Variants in IL16 observed in about 807,000 individuals in gnomAD.
IL16 encodes the protein interleukin 16, also known as pro-interleukin-16.
IL16 carries 67 observed loss-of-function variants against 110.1 expected under a neutral mutation model. The ratio of observed to expected loss-of-function variants is 0.61; its 90% CI spans 0.50 to 0.75. The LOEUF (loss-of-function observed/expected upper bound fraction) is 0.75, where lower values mean the gene tolerates loss of function less well. Ranked by LOEUF, IL16 falls within the 30% of genes least tolerant of loss-of-function variation. IL16 has a pLI of 0.00. For synonymous variants in IL16, 689 were observed against 662.9 expected (o/e 1.04, Z -0.61); for missense variants, 1,545 against 1,655.0 (o/e 0.93, Z 1.15).
At chr15:81,282,843 A>G (rs1899249150) in intron 9 of IL16, 87 bp downstream of exon 9, 1 of 1,039,604 alleles carries the variant, frequency 9.6e-7, no homozygotes, top group Admixed American at 1.7e-5. Flanking sequence ...TGATTTGGAC[A>G]TGAGCTATAA....
chr15:81,301,159 A>G (rs1900265567), intron 14 of IL16, among the ~76,000 whole-genome samples, 185 bp from the exon 15 acceptor site: 1 of 152,192 alleles, frequency 6.6e-6, no homozygotes, highest in Non-Finnish European at 1.5e-5. Context: ...TTTATTTATT[A>G]TTCTTACACT....
At chr15:81,231,320 GTCTGTC>G (rs1161195875) in intron 2 of IL16, among the ~76,000 whole-genome samples, 3 of 50,924 alleles carry the variant, frequency 5.9e-5, no homozygotes, top group African/African-American at 1.7e-4. Flanking sequence ...CCCAAGGTCG[GTCTGTC>G]TCTCTCTCTC....
chr15:81,303,406 A>C lies in IL16; in HGVS notation c.3319-143A>C. The C allele has an allele frequency of 1.6e-6, 1 of 627,910 alleles. No individual in the cohort carries two copies. The highest frequency in any genetic ancestry group is 2.7e-5 in the East Asian group (1 of 36,366). 38.9% of individuals were successfully genotyped at this position (627,910 alleles called of 1,614,324 possible). ...AAGGTCCATTCTTTACAGATGAGGA[A>C]ACTGAGGTTTGAGGAGGTGATGTAA... On this transcript the variant is annotated intron_variant, in intron 15 of 18. Coordinates refer to ENST00000683961, the MANE Select transcript of IL16 (RefSeq NM_172217.5). This position sits in a 1 kb window ranked among gnomAD's most constrained non-coding sequence, Gnocchi z 4.1.
chr15:81,283,256 G>A (rs930367390), intron 9 of IL16, among the ~76,000 whole-genome samples: 1 of 152,184 alleles, frequency 6.6e-6, no homozygotes, highest in Non-Finnish European at 1.5e-5. Context: ...AGAGAAGCTG[G>A]AGGGGATGTC....
chr15:81,293,954 T>C (rs1173379474), intron 12 of IL16, among the ~76,000 whole-genome samples: 1 of 152,162 alleles, frequency 6.6e-6, no homozygotes, highest in Admixed American at 6.5e-5. Context: ...TGCTAGTGGG[T>C]CACAGTTACC....
chr15:81,313,376 T>C lies in IL16; in HGVS notation c.*4578T>C, dbSNP rs1900970100. The C allele has an allele frequency of 1.3e-6, 2 of 1,572,084 alleles. No homozygotes were observed. Among genetic ancestry groups the C allele is most frequent in the African/African-American group, 2.7e-5 (2 of 73,270 alleles). ...AACCGCTGAGGTCGGTATGGAAGAA[T>C]GTGACCAGGTTGGTCTTGGTGGGTT... is the stretch of plus-strand genomic sequence containing the variant. On this transcript the variant is annotated 3_prime_UTR_variant, in exon 19 of 19. Transcript: ENST00000683961.
At chr15:81,257,398 G>C (rs1311858780) in intron 2 of IL16, among the ~76,000 whole-genome samples, 1 of 152,138 alleles carries the variant, frequency 6.6e-6, no homozygotes, top group Non-Finnish European at 1.5e-5. Flanking sequence ...AATTCAAAAG[G>C]AATATACAAA....
chr15:81,303,524 T>C lies in IL16; in HGVS notation c.3319-25T>C, dbSNP rs917512009. The C allele has an allele frequency of 1.4e-6, 2 of 1,463,834 alleles. No homozygotes were observed. The highest frequency in any genetic ancestry group is 1.7e-4 in the Middle Eastern group (1 of 5,768). The allele number at this position is 1,463,834 out of a possible 1,614,324, so 90.7% of individuals were successfully genotyped here. ...TTCATCCTCTTGCAGTAAAATGTTT[T>C]TGAATGTATGTATTTCCTCTGCAGC... On this transcript the variant is annotated intron_variant, in intron 15 of 18. Transcript: ENST00000683961. This position sits in a 1 kb window ranked among gnomAD's most constrained non-coding sequence, Gnocchi z 4.1.
chr15:81,238,155 G>T (rs1897235126), intron 2 of IL16, among the ~76,000 whole-genome samples: 1 of 152,160 alleles, frequency 6.6e-6, no homozygotes, highest in African/African-American at 2.4e-5. Flanking sequence ...ACCCACCTCA[G>T]CCTCCCAAAG....
rs1899241768 is a variant in IL16 at position 81,282,743 on chromosome 15, G to T, written c.1186G>T (p.Asp396Tyr). ...TLSPGSVAHLDGRLRCGDEIV... is the reference protein window; with the variant it reads ...TLSPGSVAHLYGRLRCGDEIV... ...GTCACCAGGATCCGTGGCGCACCTG[G>T]ACGGACGTCTCCGGTATGTCCTCAC... Residue 396 changes from aspartate (D) to tyrosine (Y), a missense_variant, in exon 9 of 19, where the codon GAC becomes TAC. By Grantham distance (160) the Asp-to-Tyr change is radical. This residue lies in a region of IL16 where 1,185 missense variants were observed against 1,238.8 expected (regional missense o/e 0.96). Coordinates refer to ENST00000683961, the MANE Select transcript of IL16 (RefSeq NM_172217.5). 1 of 1,612,716 alleles carries T rather than the reference G, an allele frequency of 6.2e-7. No homozygotes were observed. Among genetic ancestry groups the T allele is most frequent in the South Asian group, 1.1e-5 (1 of 91,060 alleles).
At chr15:81,297,102 A>G (rs1425166393) in intron 13 of IL16, 24 bp downstream of exon 13, 1 of 1,598,330 alleles carries the variant, frequency 6.3e-7, no homozygotes, top group African/African-American at 1.4e-5. Context: ...GAGATCTTCC[A>G]AAAGGAAGGG....
intron 2 of IL16, among the ~76,000 whole-genome samples, chr15:81,230,967 G>A (rs1896950056): frequency 6.6e-6 from 1 of 151,938 alleles, no homozygotes; most frequent in South Asian, 2.1e-4. Context: ...TGGAGGAAGG[G>A]GAGAGAAAGC....
At chr15:81,216,082 C>G (rs1896419104) in intron 1 of IL16, among the ~76,000 whole-genome samples, 1 of 152,216 alleles carries the variant, frequency 6.6e-6, no homozygotes, top group Admixed American at 6.5e-5. Context: ...GGAAGCCAGC[C>G]CTGCTCTCTC....
intron 14 of IL16, 65 bp downstream of exon 14, chr15:81,300,540 T>A (rs974643725): frequency 2.8e-6 from 3 of 1,062,122 alleles, no homozygotes; most frequent in East Asian, 2.6e-5. Flanking sequence ...TCTTTATTTT[T>A]AAAAATAATC....
At position 81,292,955 on chromosome 15, in the gene IL16, G is replaced by T. The variant is rs772619870; in HGVS notation, c.1820G>T (p.Ser607Ile). The T allele has an allele frequency of 1.2e-6, 2 of 1,614,140 alleles. No individual in the cohort carries two copies. The highest frequency in any genetic ancestry group is 2.2e-5 in the South Asian group (2 of 91,086). The change falls in exon 12 of 19, where the codon AGT becomes ATT. Residue 607 changes from serine to isoleucine, a missense_variant. Physicochemically the swap from Ser to Ile is moderately radical, Grantham distance 142. Transcript: ENST00000683961. ...CCTCCACCCAGAAAATACTTTAAAA[G>T]TGACAGTGACCCTCAGAAGAGTCTG... ...PKPPPRKYFK[S>I]DSDPQKSLEE...
At chr15:81,244,164 A>G (rs1289585302) in intron 2 of IL16, among the ~76,000 whole-genome samples, 2 of 152,148 alleles carry the variant, frequency 1.3e-5, no homozygotes, top group Non-Finnish European at 2.9e-5. Flanking sequence ...TATTTCCTTT[A>G]CATACACTTA....
At chr15:81,211,100 C>A (rs923837199) in intron 1 of IL16, among the ~76,000 whole-genome samples, 2 of 152,154 alleles carry the variant, frequency 1.3e-5, no homozygotes, top group East Asian at 3.8e-4. Flanking sequence ...CACTCTGTCA[C>A]CCAGGCTGGA....
At chr15:81,306,374 C>G in intron 17 of IL16, 46 bp from the exon 18 acceptor site, 3 of 1,606,960 alleles carry the variant, frequency 1.9e-6, no homozygotes, top group Non-Finnish European at 2.5e-6. Context: ...CATCTGTGGC[C>G]TGGGAGAGGA....
intron 1 of IL16, among the ~76,000 whole-genome samples, chr15:81,209,581 C>G (rs112669780): frequency 0.22 from 34,041 of 151,820 alleles, 4,253 homozygotes; most frequent in East Asian, 0.46. Flanking sequence ...AGAGTGAATT[C>G]TAAGCAAGGG....
Sources: gnomAD v4.1 joint callset for allele counts (sites outside exome capture counted in the v4.1 genomes callset) on GRCh38, gnomAD v4.1.1 for gene constraint, gnomAD v4.1.1 regional missense constraint, Gnocchi (gnomAD v3.1) non-coding constraint, MANE v1.5 for transcripts, NCBI Gene and HGNC (gene_info 2026-07-23, HGNC 2026-07-21) for gene names.